GPRC6A: variants seen among roughly 807,000 people sequenced by gnomAD.
GPRC6A encodes G protein-coupled receptor class C group 6 member A, also known as G protein-coupled receptor family C group 6 member A.
Under a neutral mutation model 47.0 loss-of-function variants are expected in GPRC6A, and 54 were observed. The ratio of observed to expected loss-of-function variants is 1.15; its 90% CI spans 0.92 to 1.44. The LOEUF (loss-of-function observed/expected upper bound fraction) is 1.44, where lower values mean the gene tolerates loss of function less well. Ranked by LOEUF, GPRC6A falls within the 40% of genes most tolerant of loss-of-function variation. GPRC6A has a pLI of 0.00. For missense variants in GPRC6A, 1,112 were observed against 1,105.5 expected (o/e 1.01, Z -0.08); for synonymous variants, 347 against 377.1 (o/e 0.92, Z 0.93).
chr6:116,800,537 G>T, intron 4 of GPRC6A, 47 bp downstream of exon 4: 1 of 1,182,648 alleles, frequency 8.5e-7, no homozygotes, highest in Non-Finnish European at 1.3e-6. Flanking sequence ...TTGCAGTTGA[G>T]GTACCAATTG....
chr6:116,825,231 G>A (rs986379202), intron 1 of GPRC6A, among the ~76,000 whole-genome samples: 2 of 151,992 alleles, frequency 1.3e-5, no homozygotes, highest in African/African-American at 4.8e-5. Context: ...GGAAGTCCTG[G>A]CCAAAGCAAT....
At chr6:116,794,210 C>T (rs1562477570) in intron 5 of GPRC6A, among the ~76,000 whole-genome samples, 1 of 152,158 alleles carries the variant, frequency 6.6e-6, no homozygotes, top group Non-Finnish European at 1.5e-5. Context: ...TTTGTGTTCT[C>T]TTCTTTATTA....
At chr6:116,812,507 T>C (rs1480256350) in intron 1 of GPRC6A, among the ~76,000 whole-genome samples, 3 of 151,704 alleles carry the variant, frequency 2.0e-5, no homozygotes, top group Non-Finnish European at 4.4e-5. Flanking sequence ...TGACAAAAAA[T>C]GAGAAAAAGA....
intron 4 of GPRC6A, among the ~76,000 whole-genome samples, chr6:116,796,348 G>A (rs1167012170): frequency 6.6e-6 from 1 of 151,682 alleles, no homozygotes; most frequent in Non-Finnish European, 1.5e-5. Flanking sequence ...TTTAATATTA[G>A]AATATTAGAT....
chr6:116,820,658 AC>A (rs1188375158), intron 1 of GPRC6A, among the ~76,000 whole-genome samples: 25 of 151,482 alleles, frequency 1.7e-4, no homozygotes, highest in Middle Eastern at 3.4e-3. Flanking sequence ...AAATTCAACA[AC>A]CCTTCATGCT....
intron 1 of GPRC6A, among the ~76,000 whole-genome samples, chr6:116,811,448 G>GA (rs142146461): frequency 0.026 from 3,968 of 151,376 alleles, 146 homozygotes; most frequent in African/African-American, 0.091. Flanking sequence ...TGGTCTTTAA[G>GA]AAAAAAAATG....
chr6:116,816,207 A>G (rs1054304510), intron 1 of GPRC6A, among the ~76,000 whole-genome samples: 8 of 152,238 alleles, frequency 5.3e-5, no homozygotes, highest in Non-Finnish European at 1.0e-4. Flanking sequence ...CGAAGTCCAA[A>G]GTCTCATCTG....
intron 2 of GPRC6A, 44 bp downstream of exon 2, chr6:116,809,270 C>T (rs371543873): frequency 6.7e-7 from 1 of 1,503,370 alleles, no homozygotes; most frequent in African/African-American, 1.4e-5. Context: ...TTCATAATAA[C>T]AAATGTGATC....
Position 116,806,695 on chromosome 6 carries a change from T to C in GPRC6A, c.1010A>G (p.His337Arg), listed in dbSNP as rs1772851660. 5.6e-6 allele frequency: 9 copies of C among 1,613,564 alleles called. No individual in the cohort carries two copies. The highest frequency in any genetic ancestry group is 6.8e-6 in the Non-Finnish European group (8 of 1,179,756). The change falls in exon 3 of 6, where the codon CAT (histidine) becomes CGT (arginine). Residue 337 changes from histidine to arginine, a missense_variant. Coordinates refer to ENST00000310357, the MANE Select transcript of GPRC6A (RefSeq NM_148963.4). ...CAAGTGCAGATTTTGAAGAAAGGAA[T>C]GGAAAGAGGATATATTCCCTCTTCT... ...AFRRGNISSFHSFLQNLHLLP... is the reference protein window; with the variant it reads ...AFRRGNISSFRSFLQNLHLLP...
chr6:116,812,597 G>T (rs1489056464), intron 1 of GPRC6A, among the ~76,000 whole-genome samples: 2 of 152,054 alleles, frequency 1.3e-5, no homozygotes, highest in Non-Finnish European at 2.9e-5. Context: ...ATTAACCTTG[G>T]ATTTAAAAGG....
At chr6:116,819,632 C>A (rs1773382709) in intron 1 of GPRC6A, among the ~76,000 whole-genome samples, 1 of 152,142 alleles carries the variant, frequency 6.6e-6, no homozygotes, top group African/African-American at 2.4e-5. Flanking sequence ...GAAATGAAGG[C>A]AGAAATAAAG....
intron 1 of GPRC6A, among the ~76,000 whole-genome samples, chr6:116,818,118 G>C (rs1773294945): frequency 6.6e-6 from 1 of 152,172 alleles, no homozygotes; most frequent in African/African-American, 2.4e-5. Context: ...AAAATGTTAA[G>C]GGCAGCCAGA....
At chr6:116,793,284 A>G in intron 5 of GPRC6A, 34 bp from the exon 6 acceptor site, 3 of 1,471,584 alleles carry the variant, frequency 2.0e-6, no homozygotes, top group Non-Finnish European at 1.8e-6. Context: ...TACATTGTCA[A>G]CATTTAAACT....
At chr6:116,793,365 A>G (rs1772381679) in intron 5 of GPRC6A, 115 bp from the exon 6 acceptor site, 3 of 643,730 alleles carry the variant, frequency 4.7e-6, no homozygotes, top group Non-Finnish European at 7.4e-6. Flanking sequence ...ATAGATATAG[A>G]TGATTGTTAC....
At chr6:116,803,899 C>T (rs1772757003) in intron 3 of GPRC6A, among the ~76,000 whole-genome samples, 1 of 151,948 alleles carries the variant, frequency 6.6e-6, no homozygotes, top group African/African-American at 2.4e-5. Context: ...TGTAGTGTAC[C>T]ATCCTTCATT....
At chr6:116,805,375 G>A (rs1772803490) in intron 3 of GPRC6A, among the ~76,000 whole-genome samples, 1 of 151,338 alleles carries the variant, frequency 6.6e-6, no homozygotes, top group Non-Finnish European at 1.5e-5. Flanking sequence ...AAAAAAAAAT[G>A]ACAAAAGTAG....
In GPRC6A at chr6:116,810,708, C is replaced by T. The variant is rs148651076; in HGVS notation, c.195-1091G>A. The stretch of plus-strand genomic sequence containing the variant: ...AAAGAAAGTATATCAAAACCCTGAA[C>T]AATAATATCCCTCTTTATTAAAATT... On this transcript the variant is annotated intron_variant, in intron 1 of 5. Transcript: ENST00000310357. Among the ~76,000 whole-genome samples, 418 of 151,480 alleles carry T rather than the reference C, an allele frequency of 2.8e-3. 1 individual carries two copies. The highest frequency in any genetic ancestry group is 9.6e-3 in the African/African-American group (396 of 41,338).
chr6:116,795,683 T>G, intron 5 of GPRC6A, 29 bp downstream of exon 5: 1 of 1,530,220 alleles, frequency 6.5e-7, no homozygotes, highest in Non-Finnish European at 8.8e-7. Context: ...GAGGAATGAT[T>G]CAGGTGTATG....
chr6:116,800,840 G>A (rs1478492665), intron 3 of GPRC6A, 44 bp from the exon 4 acceptor site: 1 of 1,176,882 alleles, frequency 8.5e-7, no homozygotes, highest in East Asian at 2.4e-5. Context: ...TATAAATGTT[G>A]CAAATGTATC....
Sources: allele counts gnomAD v4.1 joint callset (sites outside exome capture counted in the v4.1 genomes callset), GRCh38; gene constraint gnomAD v4.1.1; transcripts MANE v1.5; gene names NCBI Gene and HGNC (gene_info 2026-07-23, HGNC 2026-07-21).